The following HHLA1 variants were observed in gnomAD, a reference collection of about 807,000 sequenced individuals.
HHLA1 encodes HERV-H LTR-associating protein 1.
Under a neutral mutation model 69.9 loss-of-function variants are expected in HHLA1, and 72 were observed. The ratio of observed to expected loss-of-function variants is 1.03; its 90% CI spans 0.85 to 1.25. The LOEUF (loss-of-function observed/expected upper bound fraction) is 1.25. Among genes scored for constraint, HHLA1 ranks in the 50% most tolerant of loss-of-function variants. HHLA1 has a pLI of 0.00. For missense variants in HHLA1, 685 were observed against 642.2 expected, an observed-to-expected ratio of 1.07 and a Z score of -0.72; for synonymous variants, 252 against 233.2, an observed-to-expected ratio of 1.08 and a Z score of -0.73.
chr8:132,090,123 C>T (rs1823925047), intron 7 of HHLA1, among the ~76,000 whole-genome samples: 1 of 152,172 alleles, frequency 6.6e-6, no homozygotes, highest in Non-Finnish European at 1.5e-5. Flanking sequence ...CTTCTGCCCC[C>T]TTTTTAAAGG....
intron 10 of HHLA1, among the ~76,000 whole-genome samples, chr8:132,083,429 G>A (rs1823796676): frequency 6.6e-6 from 1 of 152,004 alleles, no homozygotes; most frequent in Non-Finnish European, 1.5e-5. Flanking sequence ...ACCTTCCACT[G>A]TGAGAGTTAC....
At chr8:132,073,719 C>T (rs533014017) in intron 14 of HHLA1, among the ~76,000 whole-genome samples, 1 of 152,300 alleles carries the variant, frequency 6.6e-6, no homozygotes, top group Admixed American at 6.5e-5. Context: ...CCACCCCATC[C>T]ATCCTTCTCT....
At chr8:132,075,726 G>A (rs982967741) in intron 14 of HHLA1, among the ~76,000 whole-genome samples, 1 of 152,200 alleles carries the variant, frequency 6.6e-6, no homozygotes, top group East Asian at 1.9e-4. Flanking sequence ...CTCGATAAAA[G>A]TTGATTGAAT....
At chr8:132,082,886 T>G (rs184193094) in intron 10 of HHLA1, among the ~76,000 whole-genome samples, 2,665 of 151,728 alleles carry the variant, frequency 0.018, 82 homozygotes, top group African/African-American at 0.058. Flanking sequence ...ATGAGGGAAT[T>G]GTAAGGAGAG....
intron 16 of HHLA1, among the ~76,000 whole-genome samples, chr8:132,065,227 G>A (rs948387338): frequency 2.6e-5 from 4 of 152,138 alleles, no homozygotes; most frequent in Non-Finnish European, 4.4e-5. Context: ...AGTACTTCAC[G>A]GTGCCTTCTT....
intron 1 of HHLA1, among the ~76,000 whole-genome samples, chr8:132,109,118 TGCCTCA>T (rs1250256534): frequency 6.6e-6 from 1 of 152,232 alleles, no homozygotes; most frequent in Non-Finnish European, 1.5e-5. Flanking sequence ...AGCAACTCTC[TGCCTCA>T]GCCTCCCGAG....
intron 7 of HHLA1, 57 bp from the exon 8 acceptor site, chr8:132,089,656 T>C: frequency 1.2e-6 from 1 of 843,198 alleles, no homozygotes; most frequent in Non-Finnish European, 2.0e-6. Flanking sequence ...AGGAGAAAAG[T>C]ATACTGTGTT....
chr8:132,083,283 G>A (rs1434852204), intron 10 of HHLA1, among the ~76,000 whole-genome samples: 2 of 152,088 alleles, frequency 1.3e-5, no homozygotes, highest in South Asian at 4.1e-4. Context: ...TGGCACCAGA[G>A]TTGGGGAGTT....
At chr8:132,090,101 C>A (rs1288733817) in intron 7 of HHLA1, among the ~76,000 whole-genome samples, 2 of 152,172 alleles carry the variant, frequency 1.3e-5, no homozygotes, top group African/African-American at 4.8e-5. Context: ...AAATTATCAC[C>A]AGGAACCTTT....
intron 3 of HHLA1, chr8:132,101,353 C>T: frequency 6.7e-7 from 1 of 1,495,668 alleles, no homozygotes; most frequent in Non-Finnish European, 8.9e-7. Context: ...TAGAAATCAT[C>T]TTGTCCAACA....
In HHLA1 at chr8:132,098,955, G is replaced by C; in HGVS notation, c.207C>G (p.Pro69=). 3 of 1,548,832 alleles carry C rather than the reference G, an allele frequency of 1.9e-6. No individual in the cohort carries two copies. The highest frequency in any genetic ancestry group is 2.0e-5 in the Admixed American group (1 of 50,710). The change falls in exon 5 of 17, where the codon CCC becomes CCG. Residue 69 remains proline, a synonymous_variant. Coordinates refer to ENST00000414222, the MANE Select transcript of HHLA1 (RefSeq NM_001145095.3). ...GVAFLATTEL[P]ARSIDLSALN... ...GCGCGGACAGATCGATTGACCTTGC[G>C]GGCAGCTCTGAAAGAGATTCAGAGA... is the stretch of plus-strand genomic sequence containing the variant.
chr8:132,081,281 G>A (rs1823748813), intron 10 of HHLA1, among the ~76,000 whole-genome samples: 1 of 152,160 alleles, frequency 6.6e-6, no homozygotes, highest in African/African-American at 2.4e-5. Flanking sequence ...AGTCTAAGTT[G>A]GTCTGGTGTC....
At chr8:132,067,700 T>C (rs1043353326) in intron 15 of HHLA1, among the ~76,000 whole-genome samples, 1 of 152,204 alleles carries the variant, frequency 6.6e-6, no homozygotes, top group Non-Finnish European at 1.5e-5. Context: ...CAATTAGATA[T>C]ATTATTTCAT....
intron 15 of HHLA1, among the ~76,000 whole-genome samples, chr8:132,066,610 A>G (rs1823444307): frequency 1.3e-5 from 2 of 152,232 alleles, no homozygotes; most frequent in Non-Finnish European, 2.9e-5. Context: ...CTGGGAATTC[A>G]CTTCTCTTTC....
Position 132,062,875 on chromosome 8 carries a change from A to G in HHLA1, c.*1120T>C, listed in dbSNP as rs1188028630. 6.6e-6 allele frequency: 1 copy of G among 152,228 alleles called. No homozygotes were observed. The highest frequency in any genetic ancestry group is 1.5e-5 in the Non-Finnish European group (1 of 68,088). 9.4% of individuals were successfully genotyped at this position (152,228 alleles called of 1,614,324 possible). A position where few individuals can be genotyped will look rare whatever the true frequency, so the allele number is the denominator to read the frequency against. The stretch of plus-strand genomic sequence containing the variant: ...GTAAATCCTTGGAATATCCTGCCTG[A>G]TGAGTGTCTCTTGTACCTGGGGCTT... On this transcript the variant is annotated 3_prime_UTR_variant, in exon 17 of 17. Coordinates refer to ENST00000414222, the MANE Select transcript of HHLA1 (RefSeq NM_001145095.3).
chr8:132,094,752 C>T (rs1466045033), intron 7 of HHLA1, among the ~76,000 whole-genome samples: 1 of 152,140 alleles, frequency 6.6e-6, no homozygotes, highest in African/African-American at 2.4e-5. Context: ...CTCCCTGCTC[C>T]CCGCTAGGAA....
chr8:132,093,909 G>A (rs1823981380), intron 7 of HHLA1, among the ~76,000 whole-genome samples: 1 of 152,014 alleles, frequency 6.6e-6, no homozygotes, highest in African/African-American at 2.4e-5. Flanking sequence ...TAGACATTAA[G>A]CACTCATTGT....
intron 10 of HHLA1, 125 bp downstream of exon 10, chr8:132,087,528 G>A (rs1823883234): frequency 1.6e-6 from 1 of 622,890 alleles, no homozygotes; most frequent in Non-Finnish European, 2.8e-6. Flanking sequence ...AAATGACGAA[G>A]TTCTCTGATT....
At chr8:132,104,216 C>A (rs1824166265) in intron 2 of HHLA1, 49 bp from the exon 3 acceptor site, 1 of 1,333,646 alleles carries the variant, frequency 7.5e-7, no homozygotes, top group African/African-American at 1.5e-5. Context: ...AGACATAATA[C>A]CGGAGATAAT....
Sources: gnomAD v4.1 joint callset for allele counts (sites outside exome capture counted in the v4.1 genomes callset) on GRCh38, gnomAD v4.1.1 for gene constraint, MANE v1.5 for transcripts, NCBI Gene and HGNC (gene_info 2026-07-23, HGNC 2026-07-21) for gene names.